RPS6KC1: variants seen among roughly 807,000 people sequenced by gnomAD.
RPS6KC1 encodes the protein inactive ribosomal protein S6 kinase delta-1.
In RPS6KC1, 54 loss-of-function variants were observed where a neutral mutation model predicts 103.8. The ratio of observed to expected loss-of-function variants is 0.52; its 90% confidence interval spans 0.42 to 0.65. RPS6KC1 has a LOEUF of 0.65. Among genes scored for constraint, RPS6KC1 ranks in the 30% least tolerant of loss-of-function variants. The pLI, the probability that RPS6KC1 is intolerant of heterozygous loss-of-function variation, is 0.00. For synonymous variants in RPS6KC1, 439 were observed against 438.7 expected (o/e 1.00, Z -0.01); for missense variants, 1,151 against 1,253.8 (o/e 0.92, Z 1.24).
At chr1:213,809,354 T>C in the RPS6KC1 span, among the ~76,000 whole-genome samples, 3 of 152,160 alleles carry the variant, frequency 2.0e-5, no homozygotes, top group Non-Finnish European at 2.9e-5. Flanking sequence ...CGAAGATCAC[T>C]GATTACAGAT....
chr1:213,076,877 T>C (rs1426238124), intron 2 of RPS6KC1, among the ~76,000 whole-genome samples: 1 of 152,150 alleles, frequency 6.6e-6, no homozygotes, highest in African/African-American at 2.4e-5. Context: ...TTATCCTTTT[T>C]TTTTTTTTTG....
At chr1:213,336,964 G>C in the RPS6KC1 span, among the ~76,000 whole-genome samples, 1 of 152,212 alleles carries the variant, frequency 6.6e-6, no homozygotes, top group Non-Finnish European at 1.5e-5. Context: ...AGGGGTGACA[G>C]TATCTCTCTC....
At chr1:213,068,283 A>G (rs1478913591) in intron 1 of RPS6KC1, among the ~76,000 whole-genome samples, 1 of 151,950 alleles carries the variant, frequency 6.6e-6, no homozygotes, top group East Asian at 1.9e-4. Context: ...CAAGAGATTG[A>G]GACCATCCTG....
chr1:213,604,447 C>T, the RPS6KC1 span, among the ~76,000 whole-genome samples: 1 of 152,264 alleles, frequency 6.6e-6, no homozygotes, highest in Non-Finnish European at 1.5e-5. Flanking sequence ...AAACTGCACC[C>T]TCTCAGCAAG....
At chr1:213,733,426 A>AAGGTTTTG in the RPS6KC1 span, among the ~76,000 whole-genome samples, 1 of 151,826 alleles carries the variant, frequency 6.6e-6, no homozygotes, top group African/African-American at 2.4e-5. Context: ...TTGTAGAGAC[A>AAGGTTTTG]AGGTTTTGCC....
the RPS6KC1 span, among the ~76,000 whole-genome samples, chr1:213,823,726 C>CCACACACACACAAA: frequency 6.8e-6 from 1 of 146,278 alleles, no homozygotes. Flanking sequence ...GCTATCACAG[C>CCACACACACACAAA]CACACACACA....
chr1:213,362,164 G>C, the RPS6KC1 span, among the ~76,000 whole-genome samples: 5 of 152,238 alleles, frequency 3.3e-5, no homozygotes, highest in South Asian at 2.1e-4. Context: ...GGGCACAGCA[G>C]AGAAGAGGAT....
chr1:213,063,103 A>G (rs1296369647), intron 1 of RPS6KC1, among the ~76,000 whole-genome samples: 1 of 152,192 alleles, frequency 6.6e-6, no homozygotes, highest in Non-Finnish European at 1.5e-5. Context: ...AAAGCAGTTC[A>G]TGGGCAGTGC....
At chr1:213,623,013 A>G in the RPS6KC1 span, among the ~76,000 whole-genome samples, 5 of 152,160 alleles carry the variant, frequency 3.3e-5, no homozygotes, top group Non-Finnish European at 5.9e-5. Context: ...GAGGCAGTCC[A>G]GGAAAGCCTT....
the RPS6KC1 span, among the ~76,000 whole-genome samples, chr1:213,764,810 A>C: frequency 6.6e-6 from 1 of 152,216 alleles, no homozygotes; most frequent in African/African-American, 2.4e-5. Context: ...TGCCTCTTCA[A>C]GAAAGGTTCC....
intron 4 of RPS6KC1, among the ~76,000 whole-genome samples, chr1:213,107,786 A>G (rs1240024347): frequency 2.0e-5 from 3 of 152,224 alleles, no homozygotes; most frequent in African/African-American, 7.2e-5. Context: ...CCACAACCTC[A>G]CCAACACTTG....
At chr1:213,722,103 TCTGC>T in the RPS6KC1 span, among the ~76,000 whole-genome samples, 2 of 151,798 alleles carry the variant, frequency 1.3e-5, no homozygotes, top group Admixed American at 1.3e-4. Flanking sequence ...GGGCCTGGAG[TCTGC>T]ATGTACTCCA....
chr1:213,365,861 GA>G, the RPS6KC1 span, among the ~76,000 whole-genome samples: 1 of 152,352 alleles, frequency 6.6e-6, no homozygotes, highest in East Asian at 1.9e-4. Context: ...TTTTATGGCA[GA>G]AAAACAGCAA....
At chr1:213,496,280 G>T in the RPS6KC1 span, among the ~76,000 whole-genome samples, 3 of 152,122 alleles carry the variant, frequency 2.0e-5, no homozygotes, top group Non-Finnish European at 4.4e-5. Context: ...AAAACATAAA[G>T]TGTCTCAGAA....
the RPS6KC1 span, among the ~76,000 whole-genome samples, chr1:213,495,518 C>T: frequency 7.5e-3 from 1,138 of 152,272 alleles, 13 homozygotes; most frequent in African/African-American, 0.026. Context: ...GACGGGGTTT[C>T]ACCATGTTGG....
the RPS6KC1 span, among the ~76,000 whole-genome samples, chr1:213,573,819 C>A: frequency 6.6e-6 from 1 of 152,192 alleles, no homozygotes; most frequent in Non-Finnish European, 1.5e-5. Flanking sequence ...TGAAGAACCT[C>A]AAATGCCAGG....
At chr1:213,641,917 T>G in the RPS6KC1 span, among the ~76,000 whole-genome samples, 1 of 150,676 alleles carries the variant, frequency 6.6e-6, no homozygotes. Context: ...AAAGTTATCC[T>G]CCCTTCAAGT....
intron 8 of RPS6KC1, among the ~76,000 whole-genome samples, chr1:213,212,340 G>A (rs1238208296): frequency 6.6e-6 from 1 of 151,932 alleles, no homozygotes; most frequent in Non-Finnish European, 1.5e-5. Context: ...GAATCAGTAT[G>A]TAGCCTTTTC....
At chr1:213,319,310 C>CT in the RPS6KC1 span, among the ~76,000 whole-genome samples, 1 of 18,002 alleles carries the variant, frequency 5.6e-5, no homozygotes, top group Admixed American at 1.0e-3. Flanking sequence ...GAGACTCTGT[C>CT]TCAAAAAAAA....
Sources: gnomAD v4.1 joint callset for allele counts (sites outside exome capture counted in the v4.1 genomes callset) on GRCh38, gnomAD v4.1.1 for gene constraint, MANE v1.5 for transcripts, NCBI Gene and HGNC (gene_info 2026-07-23, HGNC 2026-07-21) for gene names.